Variants in GOLGB1 observed in about 807,000 individuals in gnomAD.
The protein encoded by GOLGB1 is golgin subfamily B member 1.
GOLGB1 carries 174 observed loss-of-function variants against 336.9 expected under a neutral mutation model. The ratio of observed to expected loss-of-function variants is 0.52; its 90% confidence interval spans 0.46 to 0.59. GOLGB1 has a LOEUF of 0.59. GOLGB1 is among the 20% of genes least tolerant of loss of function. GOLGB1 has a pLI of 0.00. For missense variants in GOLGB1, 3,331 were observed against 3,645.3 expected, an observed-to-expected ratio of 0.91 and a Z score of 2.22; for synonymous variants, 1,208 against 1,289.2, an observed-to-expected ratio of 0.94 and a Z score of 1.35.
chr3:121,726,056 TA>T (rs1298931312), intron 5 of GOLGB1, among the ~76,000 whole-genome samples: 1 of 150,838 alleles, frequency 6.6e-6, no homozygotes, highest in African/African-American at 2.4e-5. Flanking sequence ...GATATGATTA[TA>T]GGTGATAAAA....
At position 121,664,700 on chromosome 3, in the gene GOLGB1, G is replaced by A. The variant is rs570257854; in HGVS notation, c.9661-86C>T. ...CCTACTAGTCTTGCACTTAAGCAAA[G>A]CTGACCCAACCACTGTAGAAAGGGG... On this transcript the variant is annotated intron_variant, in intron 21 of 21. Coordinates refer to ENST00000614479, the MANE Select transcript of GOLGB1 (RefSeq NM_001366282.2). The A allele has an allele frequency of 9.6e-5, 127 of 1,320,734 alleles. No individual in the cohort carries two copies. The African/African-American group carries it at 1.8e-3, about 19-fold the overall frequency. 81.8% of individuals were successfully genotyped at this position (1,320,734 alleles called of 1,614,324 possible).
At chr3:121,713,306 A>G (rs1484829000) in intron 10 of GOLGB1, among the ~76,000 whole-genome samples, 2 of 152,206 alleles carry the variant, frequency 1.3e-5, no homozygotes, top group East Asian at 3.8e-4. Context: ...CCACATAACT[A>G]TTTGTATGAG....
At chr3:121,713,016 G>C (rs1049527229) in intron 10 of GOLGB1, among the ~76,000 whole-genome samples, 7 of 152,092 alleles carry the variant, frequency 4.6e-5, no homozygotes, top group Non-Finnish European at 1.0e-4. Context: ...ACAAAAATTA[G>C]CCGGGTGTGG....
chr3:121,722,129 A>G, intron 6 of GOLGB1, 133 bp downstream of exon 6: 1 of 608,836 alleles, frequency 1.6e-6, no homozygotes, highest in East Asian at 2.7e-5. Context: ...ATATCCTTCT[A>G]ATTTCTAGTG....
chr3:121,739,598 C>G (rs1946714408), intron 1 of GOLGB1, among the ~76,000 whole-genome samples: 1 of 151,520 alleles, frequency 6.6e-6, no homozygotes, highest in South Asian at 2.1e-4. Flanking sequence ...ATATAACAAA[C>G]CATGTCATTA....
In GOLGB1 at chr3:121,719,685, C is replaced by G. The variant is rs774643217; in HGVS notation, c.732G>C (p.Gln244His). The G allele has an allele frequency of 1.1e-5, 17 of 1,610,654 alleles. No individual in the cohort carries two copies. In the South Asian group the frequency reaches 1.9e-4, roughly 18 times the overall value. The change falls in exon 7 of 22, where the codon CAG becomes CAC. Residue 244 changes from glutamine to histidine, a missense_variant. By Grantham distance (24) the Gln-to-His change is conservative (BLOSUM62 0). Transcript: ENST00000614479. ...TTTCCACATCTGCCTGGGTTACTAA[C>G]TGAAGAAGCTCATCTTCATGAAGAC... ...QVRLHEDELLQLVTQADVETE... is the reference protein window; with the variant it reads ...QVRLHEDELLHLVTQADVETE...
chr3:121,699,723 C>A, intron 12 of GOLGB1, 89 bp downstream of exon 12: 1 of 722,196 alleles, frequency 1.4e-6, no homozygotes, highest in Non-Finnish European at 2.4e-6. Flanking sequence ...TCTCTGGCAA[C>A]ACTAGAAAAT....
chr3:121,706,795 T>C (rs538941574), intron 10 of GOLGB1, among the ~76,000 whole-genome samples: 129 of 111,652 alleles, frequency 1.2e-3, no homozygotes, highest in Non-Finnish European at 2.1e-3. Flanking sequence ...AAGAAGACAG[T>C]AGAGTAATAC....
chr3:121,710,308 A>G (rs982861965), intron 10 of GOLGB1, among the ~76,000 whole-genome samples: 2 of 152,176 alleles, frequency 1.3e-5, no homozygotes, highest in Admixed American at 1.3e-4. Flanking sequence ...AAACACTCCC[A>G]GAAAATAGAA....
chr3:121,736,599 C>T (rs1946483899), intron 1 of GOLGB1, among the ~76,000 whole-genome samples: 3 of 152,114 alleles, frequency 2.0e-5, no homozygotes, highest in Admixed American at 1.3e-4. Flanking sequence ...GACAAGGAGA[C>T]ATGCTGATTA....
chr3:121,677,978 T>C (rs1940624542), intron 15 of GOLGB1, among the ~76,000 whole-genome samples: 1 of 152,252 alleles, frequency 6.6e-6, no homozygotes, highest in Admixed American at 6.5e-5. Flanking sequence ...TGGGGTGCTA[T>C]TCCCTGAAGA....
chr3:121,744,510 T>A (rs1320336527), intron 1 of GOLGB1, among the ~76,000 whole-genome samples: 1 of 150,112 alleles, frequency 6.7e-6, no homozygotes, highest in Admixed American at 6.6e-5. Context: ...TCCCAGATAT[T>A]CGGGAGGCTG....
intron 14 of GOLGB1, among the ~76,000 whole-genome samples, chr3:121,688,406 T>G (rs529391075): frequency 1.3e-5 from 2 of 152,268 alleles, no homozygotes; most frequent in Non-Finnish European, 2.9e-5. Flanking sequence ...CGGGCTGGTC[T>G]CCAGCTCCTA....
intron 10 of GOLGB1, among the ~76,000 whole-genome samples, chr3:121,708,714 C>T (rs1021892217): frequency 6.6e-6 from 1 of 152,010 alleles, no homozygotes; most frequent in Non-Finnish European, 1.5e-5. Context: ...GTCAAGTATA[C>T]CTTTTTATAC....
At chr3:121,731,511 A>G (rs989918406) in intron 1 of GOLGB1, among the ~76,000 whole-genome samples, 1 of 152,008 alleles carries the variant, frequency 6.6e-6, no homozygotes, top group African/African-American at 2.4e-5. Flanking sequence ...CTACAGGCAC[A>G]TGCCCAAACA....
intron 18 of GOLGB1, 35 bp from the exon 19 acceptor site, chr3:121,668,193 A>AAAGCTCTT: frequency 8.0e-7 from 1 of 1,244,588 alleles, no homozygotes; most frequent in South Asian, 1.2e-5. Flanking sequence ...TTCAGTGATG[A>AAAGCTCTT]AAGCTCTTAA....
chr3:121,741,828 T>G (rs1946881111), intron 1 of GOLGB1, among the ~76,000 whole-genome samples: 1 of 152,150 alleles, frequency 6.6e-6, no homozygotes, highest in Non-Finnish European at 1.5e-5. Context: ...ATTGGGGTCT[T>G]GAAATACTCT....
At chr3:121,684,775 A>G (rs1487328586) in intron 14 of GOLGB1, among the ~76,000 whole-genome samples, 1 of 152,250 alleles carries the variant, frequency 6.6e-6, no homozygotes, top group Non-Finnish European at 1.5e-5. Context: ...TTAGGGATCT[A>G]CTGAATGATT....
At chr3:121,716,185 T>A (rs924007273) in intron 9 of GOLGB1, among the ~76,000 whole-genome samples, 3 of 152,204 alleles carry the variant, frequency 2.0e-5, no homozygotes, top group African/African-American at 7.2e-5. Context: ...ATTTATAAAG[T>A]TCTAAAATGT....
Sources: allele counts gnomAD v4.1 joint callset (sites outside exome capture counted in the v4.1 genomes callset), GRCh38; gene constraint gnomAD v4.1.1; transcripts MANE v1.5; gene names NCBI Gene and HGNC (gene_info 2026-07-23, HGNC 2026-07-21).